The following RCBTB1 variants were observed in gnomAD, a reference collection of about 807,000 sequenced individuals.
RCBTB1 encodes the protein RCC1 and BTB domain containing protein 1, also known as RCC1 and BTB domain-containing protein 1.
In RCBTB1, 46 loss-of-function variants were observed where a neutral mutation model predicts 62.4. That is an observed-to-expected ratio of 0.74 (90% CI 0.58 to 0.94). The LOEUF is 0.94. RCBTB1 is among the 40% of genes least tolerant of loss of function. The pLI is 0.00. For missense variants in RCBTB1, 565 were observed against 654.9 expected, an observed-to-expected ratio of 0.86 and a Z score of 1.50; for synonymous variants, 222 against 245.8, an observed-to-expected ratio of 0.90 and a Z score of 0.91.
intron 4 of RCBTB1, among the ~76,000 whole-genome samples, chr13:49,566,129 G>A (rs1962982418): frequency 6.7e-6 from 1 of 150,216 alleles, no homozygotes; most frequent in African/African-American, 2.5e-5. Flanking sequence ...ACTGCAGTAG[G>A]CCGCAGGGTC....
intron 4 of RCBTB1, among the ~76,000 whole-genome samples, chr13:49,562,483 G>A (rs1004132560): frequency 2.9e-5 from 4 of 136,622 alleles, no homozygotes; most frequent in Non-Finnish European, 4.6e-5. Context: ...TTGCACCACT[G>A]CACTCTAGCC....
At chr13:49,534,520 A>G (rs1183094492) in intron 12 of RCBTB1, among the ~76,000 whole-genome samples, 2 of 152,078 alleles carry the variant, frequency 1.3e-5, no homozygotes, top group Non-Finnish European at 2.9e-5. Flanking sequence ...GCGCGCACAC[A>G]CACACACACG....
chr13:49,578,832 C>T (rs1963933084), intron 2 of RCBTB1, among the ~76,000 whole-genome samples: 1 of 152,148 alleles, frequency 6.6e-6, no homozygotes, highest in Non-Finnish European at 1.5e-5. Context: ...CCTTTTTTAG[C>T]AATAAATGTT....
At position 49,532,910 on chromosome 13, in the gene RCBTB1, C is replaced by A. The variant is rs1319865948; in HGVS notation, c.*1212G>T. The A allele has an allele frequency of 1.3e-5, 2 of 152,132 alleles. No individual in the cohort carries two copies. The highest frequency in any genetic ancestry group is 2.9e-5 in the Non-Finnish European group (2 of 68,038). 9.4% of individuals were successfully genotyped at this position (152,132 alleles called of 1,614,324 possible). ...CTCAACGGACACACATGATGAAACT[C>A]ACAGTTGAACACTCTTACATCCCAA... On this transcript the variant is annotated 3_prime_UTR_variant, in exon 13 of 13. Transcript: ENST00000378302.
intron 2 of RCBTB1, among the ~76,000 whole-genome samples, chr13:49,572,458 G>A (rs902171434): frequency 6.6e-6 from 1 of 152,036 alleles, no homozygotes; most frequent in Admixed American, 6.6e-5. Context: ...TTCTAACTAT[G>A]GATTTCATTT....
chr13:49,543,052 C>A (rs904654118), intron 10 of RCBTB1, among the ~76,000 whole-genome samples: 8 of 152,142 alleles, frequency 5.3e-5, no homozygotes, highest in Admixed American at 1.3e-4. Flanking sequence ...CACCTGAGGT[C>A]AGGAGTTTGA....
chr13:49,552,329 G>T, intron 6 of RCBTB1, 44 bp from the exon 7 acceptor site: 1 of 1,321,496 alleles, frequency 7.6e-7, no homozygotes, highest in Non-Finnish European at 1.1e-6. Context: ...TTAAACTGCT[G>T]GTAAGAAGGA....
intron 4 of RCBTB1, among the ~76,000 whole-genome samples, chr13:49,566,306 A>AT (rs1566256848): frequency 2.0e-5 from 3 of 148,732 alleles, no homozygotes; most frequent in South Asian, 4.3e-4. Flanking sequence ...AAATAAATAA[A>AT]AAAGTTGCAT....
rs1963034789 is a variant in RCBTB1 at position 49,566,651 on chromosome 13, C to T, written c.244G>A (p.Gly82Arg). Reference sequence around the variant, plus strand: ...CTGAGAAGAACATGTGGTCCACTCCCGTAACTGAGGCTTTTAATCTTCTTT... The same window carrying T: ...CTGAGAAGAACATGTGGTCCACTCCTGTAACTGAGGCTTTTAATCTTCTTT... Reference protein sequence around the residue: ...CGKKIKSLSYGSGPHVLLSTE... With the variant: ...CGKKIKSLSYRSGPHVLLSTE... The change falls in exon 4 of 13, where the codon GGG becomes AGG. Residue 82 changes from glycine (G) to arginine (R), a missense_variant. Physicochemically the swap from Gly to Arg is moderately radical, Grantham distance 125. Coordinates refer to ENST00000378302, the MANE Select transcript of RCBTB1 (RefSeq NM_018191.4). 3 of 1,614,104 alleles carry T rather than the reference C, an allele frequency of 1.9e-6. No individual in the cohort carries two copies. The highest frequency in any genetic ancestry group is 2.2e-5 in the East Asian group (1 of 44,884).
At chr13:49,582,284 C>T (rs11148156) in intron 1 of RCBTB1, among the ~76,000 whole-genome samples, 11,938 of 152,106 alleles carry the variant, frequency 0.078, 654 homozygotes, top group East Asian at 0.22. Flanking sequence ...GTCAGGAGTT[C>T]GAGACCGGCC....
At chr13:49,566,789 T>C (rs769600713) in intron 3 of RCBTB1, 21 bp from the exon 4 acceptor site, 2 of 1,586,580 alleles carry the variant, frequency 1.3e-6, no homozygotes, top group Non-Finnish European at 1.7e-6. Flanking sequence ...GATAGTTTTT[T>C]TTCTGAGTCT....
intron 2 of RCBTB1, among the ~76,000 whole-genome samples, chr13:49,577,203 C>G (rs1594354684): frequency 6.6e-6 from 1 of 152,330 alleles, no homozygotes; most frequent in Middle Eastern, 3.4e-3. Flanking sequence ...ACATTTAGAA[C>G]TGGAAGGCTG....
intron 6 of RCBTB1, among the ~76,000 whole-genome samples, chr13:49,553,443 G>GCAGAGGAA (rs1961559554): frequency 6.6e-6 from 1 of 152,118 alleles, no homozygotes; most frequent in African/African-American, 2.4e-5. Context: ...GAGAGGGAAA[G>GCAGAGGAA]CAGAGGAAAG....
At chr13:49,547,175 CAAAA>C in intron 9 of RCBTB1, 3 of 1,087,338 alleles carry the variant, frequency 2.8e-6, no homozygotes, top group South Asian at 1.4e-5. Context: ...ATACTCACTG[CAAAA>C]AAAAAAAAAT....
chr13:49,549,314 A>T, intron 9 of RCBTB1, 144 bp downstream of exon 9: 1 of 688,322 alleles, frequency 1.5e-6, no homozygotes, highest in South Asian at 2.6e-5. Flanking sequence ...ACATTTGATT[A>T]TGCACATCTA....
intron 4 of RCBTB1, among the ~76,000 whole-genome samples, chr13:49,565,134 C>T (rs888602075): frequency 6.6e-6 from 1 of 152,222 alleles, no homozygotes; most frequent in African/African-American, 2.4e-5. Flanking sequence ...CCTGCCTCAG[C>T]CTGCCGAGTG....
intron 6 of RCBTB1, among the ~76,000 whole-genome samples, chr13:49,554,203 T>C (rs1455736069): frequency 6.6e-6 from 1 of 152,208 alleles, no homozygotes; most frequent in East Asian, 1.9e-4. Context: ...CTCACCCATA[T>C]ATAATTGTTT....
chr13:49,569,460 C>A (rs113426639), intron 2 of RCBTB1, among the ~76,000 whole-genome samples: 139 of 152,034 alleles, frequency 9.1e-4, no homozygotes, highest in African/African-American at 3.2e-3. Context: ...TCCTGTAATC[C>A]CAGCACTTTG....
chr13:49,582,314 C>T lies in RCBTB1; in HGVS notation c.-121-1730G>A, dbSNP rs186054585. Reference sequence around the variant, plus strand: ...CCGGCCTGGCCAACATGGTGAAACCCCATCTCTATTAAAAATACAAAAATT... The same window carrying T: ...CCGGCCTGGCCAACATGGTGAAACCTCATCTCTATTAAAAATACAAAAATT... On this transcript the variant is annotated intron_variant, in intron 1 of 12. Coordinates refer to ENST00000378302, the MANE Select transcript of RCBTB1 (RefSeq NM_018191.4). Among the ~76,000 whole-genome samples, 702 of 152,208 alleles carry T rather than the reference C, an allele frequency of 4.6e-3. 1 individual carries two copies. Among genetic ancestry groups the T allele is most frequent in the Admixed American group, 6.5e-3 (100 of 15,294 alleles).
Sources: gnomAD v4.1 joint callset for allele counts (sites outside exome capture counted in the v4.1 genomes callset) on GRCh38, gnomAD v4.1.1 for gene constraint, MANE v1.5 for transcripts, NCBI Gene and HGNC (gene_info 2026-07-23, HGNC 2026-07-21) for gene names.